Variants in PTK7 observed in about 807,000 individuals in gnomAD.
The protein encoded by PTK7 is protein tyrosine kinase 7 (inactive).
In PTK7, 39 loss-of-function variants were observed where a neutral mutation model predicts 116.6. That is an observed-to-expected ratio of 0.33 (90% CI 0.26 to 0.44). The LOEUF is 0.44. PTK7 is among the 20% of genes least tolerant of loss of function. PTK7 has a pLI of 1.00. For synonymous variants in PTK7, 546 were observed against 563.6 expected (o/e 0.97, Z 0.44); for missense variants, 1,169 against 1,425.6 (o/e 0.82, Z 2.90).
intron 1 of PTK7, among the ~76,000 whole-genome samples, chr6:43,078,930 A>G (rs1010064000): frequency 1.3e-5 from 2 of 152,148 alleles, no homozygotes; most frequent in African/African-American, 2.4e-5. Context: ...CAGATTCCTC[A>G]AGGCTCTGCA....
chr6:43,114,069 G>T lies in PTK7; in HGVS notation c.80-14908G>T, dbSNP rs548109764. Among the ~76,000 whole-genome samples the T allele has an allele frequency of 6.6e-5, 10 of 152,158 alleles. No individual in the cohort carries two copies. In the South Asian group the frequency reaches 2.1e-3, roughly 32 times the overall value. ...CTGCTGGGGCGGGTGGTGGGAGGGG[G>T]TGGGCAGGGTCCCCCTGCTAGAAAC... is the stretch of plus-strand genomic sequence containing the variant. On this transcript the variant is annotated intron_variant, in intron 1 of 19. Transcript: ENST00000230419.
rs1395959688 is a variant in PTK7, at chr6:43,143,699, C to G, written c.2251+79C>G. ...CCCGCGGCCACGGAGGGGAGAGCGC[C>G]AGCACTCTGGAAACCGAGCGGCTGT... On this transcript the variant is annotated intron_variant, in intron 14 of 19. Coordinates refer to ENST00000230419, the MANE Select transcript of PTK7 (RefSeq NM_002821.5). The surrounding 1 kb of genome is among the most constrained non-coding windows in gnomAD (Gnocchi z 4.2). 4 of 1,464,524 alleles carry G rather than the reference C, an allele frequency of 2.7e-6. No homozygotes were observed. In the African/African-American group the frequency reaches 5.6e-5, roughly 21 times the overall value. The allele number at this position is 1,464,524 out of a possible 1,614,324, so 90.7% of individuals were successfully genotyped here.
intron 1 of PTK7, among the ~76,000 whole-genome samples, chr6:43,113,462 T>C (rs1768307162): frequency 6.6e-6 from 1 of 152,142 alleles, no homozygotes; most frequent in Non-Finnish European, 1.5e-5. Context: ...CTTTTCCCTT[T>C]TCTTTCTGGG....
rs1369688620 is a variant in PTK7 at position 43,143,812 on chromosome 6, T to G, written c.2251+192T>G. ...GGCCTCGTCTTCTGAGCAACCTGGC[T>G]TGAGACTTCTTCATTGGAGCCCCTT... On this transcript the variant is annotated intron_variant, in intron 14 of 19. Coordinates refer to ENST00000230419, the MANE Select transcript of PTK7 (RefSeq NM_002821.5). This position sits in a 1 kb window ranked among gnomAD's most constrained non-coding sequence, Gnocchi z 4.2. Among the ~76,000 whole-genome samples, 1 of 152,238 alleles carries G rather than the reference T, an allele frequency of 6.6e-6. No homozygotes were observed. Among genetic ancestry groups the G allele is most frequent in the Non-Finnish European group, 1.5e-5 (1 of 68,032 alleles).
intron 15 of PTK7, 85 bp downstream of exon 15, chr6:43,144,691 A>G (rs1341629976): frequency 2.0e-6 from 3 of 1,475,548 alleles, no homozygotes; most frequent in East Asian, 4.6e-5. Flanking sequence ...AGTGTTCTGA[A>G]GTCCCTGAAA....
At chr6:43,084,732 TAGA>T (rs1561931610) in intron 1 of PTK7, among the ~76,000 whole-genome samples, 3 of 152,210 alleles carry the variant, frequency 2.0e-5, no homozygotes, top group Non-Finnish European at 4.4e-5. Flanking sequence ...CTAAGTAGAA[TAGA>T]AGAACATTCT....
At position 43,076,898 on chromosome 6, in the gene PTK7, G is replaced by A; in HGVS notation, c.79+331G>A. On this transcript the variant is annotated intron_variant, in intron 1 of 19. Coordinates refer to ENST00000230419, the MANE Select transcript of PTK7 (RefSeq NM_002821.5). The surrounding 1 kb of genome is among the most constrained non-coding windows in gnomAD (Gnocchi z 5.7). ...CTCGGGCCCAGATGGGGAGTTTCTT[G>A]TCGGGGGAGAAAAGACCATCCGCAC... 1 of 1,510,414 alleles carries A rather than the reference G, an allele frequency of 6.6e-7. No homozygotes were observed. The highest frequency in any genetic ancestry group is 8.9e-7 in the Non-Finnish European group (1 of 1,129,320). The allele number at this position is 1,510,414 out of a possible 1,614,324, so 93.6% of individuals were successfully genotyped here. A position where few individuals can be genotyped will look rare whatever the true frequency, so the allele number is the denominator to read the frequency against.
intron 1 of PTK7, among the ~76,000 whole-genome samples, chr6:43,105,384 G>A (rs1010990503): frequency 4.7e-5 from 7 of 148,734 alleles, no homozygotes; most frequent in Non-Finnish European, 1.0e-4. Flanking sequence ...AATACACAGT[G>A]GTTGAAGTGA....
At chr6:43,134,800 T>A (rs1158298236) in intron 7 of PTK7, among the ~76,000 whole-genome samples, 1 of 149,100 alleles carries the variant, frequency 6.7e-6, no homozygotes, top group East Asian at 2.0e-4. Context: ...AAAAAAAAAA[T>A]TTAGCCAGGT....
chr6:43,125,980 C>G (rs1455154168), intron 1 of PTK7, among the ~76,000 whole-genome samples: 1 of 152,166 alleles, frequency 6.6e-6, no homozygotes, highest in East Asian at 1.9e-4. Flanking sequence ...GGCAGGTGAT[C>G]TCTCTTTGGT....
At chr6:43,119,359 T>C (rs192129876) in intron 1 of PTK7, among the ~76,000 whole-genome samples, 2 of 152,176 alleles carry the variant, frequency 1.3e-5, no homozygotes, top group African/African-American at 4.8e-5. Flanking sequence ...ATCATTAAAC[T>C]AAGGCTACAA....
Position 43,159,829 on chromosome 6 carries a change from G to T in PTK7, c.2915G>T (p.Trp972Leu), listed in dbSNP as rs1771737798. Residue 972 changes from tryptophan to leucine, a missense_variant, in exon 19 of 20, where the codon TGG becomes TTG. This residue lies in a region of PTK7 where 678 missense variants were observed against 853.8 expected (regional missense o/e 0.79). Coordinates refer to ENST00000230419, the MANE Select transcript of PTK7 (RefSeq NM_002821.5). Reference sequence around the variant, plus strand: ...CGCCAGGCCTGGGTGCCGCTGCGCTGGATGTCCCCCGAGGCCATCCTGGAG... The same window carrying T: ...CGCCAGGCCTGGGTGCCGCTGCGCTTGATGTCCCCCGAGGCCATCCTGGAG... ...HFRQAWVPLR[W>L]MSPEAILEGD... 3 of 1,614,104 alleles carry T rather than the reference G, an allele frequency of 1.9e-6. No homozygotes were observed. Among genetic ancestry groups the T allele is most frequent in the Non-Finnish European group, 2.5e-6 (3 of 1,180,038 alleles).
chr6:43,118,731 A>G (rs1207107891), intron 1 of PTK7, among the ~76,000 whole-genome samples: 1 of 136,772 alleles, frequency 7.3e-6, no homozygotes, highest in Admixed American at 7.6e-5. Context: ...ATATACATAT[A>G]TGTATATATG....
rs567283032 is a variant in PTK7, at chr6:43,152,368, A to G, written c.2721+5670A>G. On this transcript the variant is annotated intron_variant, in intron 17 of 19. Transcript: ENST00000230419. ...AACATGGTGAAACCCTGTCTCTACT[A>G]AAAATACAAAAATTAGCCGGGCGTG... Among the ~76,000 whole-genome samples, 7 of 152,316 alleles carry G rather than the reference A, an allele frequency of 4.6e-5. No homozygotes were observed. In the East Asian group the frequency reaches 1.2e-3, roughly 25 times the overall value.
intron 1 of PTK7, among the ~76,000 whole-genome samples, chr6:43,117,945 AC>A (rs1160218096): frequency 6.6e-6 from 1 of 151,568 alleles, no homozygotes; most frequent in East Asian, 1.9e-4. Context: ...AAAAAAAAAA[AC>A]GAAAGAAAAG....
At chr6:43,105,141 A>G (rs1192455088) in intron 1 of PTK7, among the ~76,000 whole-genome samples, 1 of 151,106 alleles carries the variant, frequency 6.6e-6, no homozygotes, top group East Asian at 1.9e-4. Flanking sequence ...ACTTCTCTGG[A>G]GATAATGCTG....
intron 17 of PTK7, 99 bp from the exon 18 acceptor site, chr6:43,158,718 C>G (rs564865314): frequency 7.6e-7 from 1 of 1,317,258 alleles, no homozygotes; most frequent in East Asian, 2.5e-5. Context: ...TCCTACGCAG[C>G]ACACCAATAG....
rs182816501 is a variant in PTK7, at chr6:43,160,463, C to T, written c.3053-258C>T. The stretch of plus-strand genomic sequence containing the variant: ...ATATTGGTTGGTAAATAGCCTTTGC[C>T]CCCAGTGCCCACTCCAGCCACTCTG... On this transcript the variant is annotated intron_variant, in intron 19 of 19. Transcript: ENST00000230419. Among the ~76,000 whole-genome samples, 292 of 152,256 alleles carry T rather than the reference C, an allele frequency of 1.9e-3. 6 individuals are homozygous for T. The highest frequency in any genetic ancestry group is 7.2e-4 in the Non-Finnish European group (49 of 68,022).
At chr6:43,077,052 T>C in intron 1 of PTK7, 2 of 1,320,204 alleles carry the variant, frequency 1.5e-6, no homozygotes, top group Non-Finnish European at 1.9e-6. Context: ...CGGAGCTTTG[T>C]TACCTACGCC....
Sources: gnomAD v4.1 joint callset for allele counts (sites outside exome capture counted in the v4.1 genomes callset) on GRCh38, gnomAD v4.1.1 for gene constraint, gnomAD v4.1.1 regional missense constraint, Gnocchi (gnomAD v3.1) non-coding constraint, MANE v1.5 for transcripts, NCBI Gene and HGNC (gene_info 2026-07-23, HGNC 2026-07-21) for gene names.